The following MYRIP variants were observed in gnomAD, a reference collection of about 807,000 sequenced individuals.
The protein encoded by MYRIP is myosin VIIA and Rab interacting protein.
Under a neutral mutation model 98.0 loss-of-function variants are expected in MYRIP, and 49 were observed. The observed-to-expected ratio is 0.50, with a 90% CI of 0.40 to 0.63. MYRIP has a LOEUF of 0.63. Among genes scored for constraint, MYRIP ranks in the 30% least tolerant of loss-of-function variants. The pLI, the probability that MYRIP is intolerant of heterozygous loss-of-function variation, is 0.00. For synonymous variants in MYRIP, 404 were observed against 409.5 expected (o/e 0.99, Z 0.16); for missense variants, 1,004 against 1,058.2 (o/e 0.95, Z 0.71).
Position 39,996,212 on chromosome 3 carries a change from C to G in MYRIP, c.111-47838C>G, listed in dbSNP as rs559341313. Among the ~76,000 whole-genome samples, 110 of 152,154 alleles carry G rather than the reference C, an allele frequency of 7.2e-4. 1 individual carries two copies. Among genetic ancestry groups the G allele is most frequent in the African/African-American group, 2.5e-3 (103 of 41,524 alleles). On this transcript the variant is annotated intron_variant, in intron 2 of 16. Transcript: ENST00000302541. ...AACCTTAAATGTAAATGGACTAAAT[C>G]CTCCAATTAAAAGACACAGACTGGC...
intron 12 of MYRIP, 76 bp downstream of exon 12, chr3:40,234,129 G>A: frequency 6.9e-7 from 1 of 1,447,332 alleles, no homozygotes; most frequent in Non-Finnish European, 9.3e-7. Flanking sequence ...AGCTTATCGT[G>A]AAGAGTGCAA....
chr3:40,136,210 C>G (rs954741776), intron 3 of MYRIP, among the ~76,000 whole-genome samples: 3 of 151,580 alleles, frequency 2.0e-5, no homozygotes, highest in Non-Finnish European at 4.4e-5. Context: ...AAATGGAAAA[C>G]AAAAAAAGGC....
chr3:39,842,402 G>A (rs193134164), intron 1 of MYRIP, among the ~76,000 whole-genome samples: 165 of 152,304 alleles, frequency 1.1e-3, no homozygotes, highest in African/African-American at 3.4e-3. Context: ...AGGCTCTGTG[G>A]GGTTGGGATC....
chr3:40,001,283 G>A (rs1946514460), intron 2 of MYRIP, among the ~76,000 whole-genome samples: 1 of 152,140 alleles, frequency 6.6e-6, no homozygotes, highest in Non-Finnish European at 1.5e-5. Context: ...CTTGCAAATG[G>A]GAAAGTGTGT....
chr3:40,232,992 C>G (rs1305080801), intron 11 of MYRIP: 2 of 152,228 alleles, frequency 1.3e-5, no homozygotes, highest in African/African-American at 4.8e-5. Flanking sequence ...CTCCTTCAGT[C>G]TTTCTGCCCC....
At chr3:39,999,034 G>T (rs1946446904) in intron 2 of MYRIP, among the ~76,000 whole-genome samples, 1 of 152,120 alleles carries the variant, frequency 6.6e-6, no homozygotes, top group Admixed American at 6.6e-5. Flanking sequence ...ATTCAAGATG[G>T]ATTAAAGACT....
At chr3:39,873,372 G>C (rs1942869196) in intron 1 of MYRIP, among the ~76,000 whole-genome samples, 1 of 152,114 alleles carries the variant, frequency 6.6e-6, no homozygotes, top group Non-Finnish European at 1.5e-5. Context: ...TTTGGCTTTT[G>C]TTGCCATTGC....
chr3:40,239,718 T>G (rs1952938058), intron 12 of MYRIP, among the ~76,000 whole-genome samples: 1 of 149,280 alleles, frequency 6.7e-6, no homozygotes, highest in African/African-American at 2.5e-5. Context: ...TTGAGAAGTG[T>G]CTGTTCATGT....
At chr3:39,874,212 G>A (rs191471079) in intron 1 of MYRIP, among the ~76,000 whole-genome samples, 3 of 152,296 alleles carry the variant, frequency 2.0e-5, no homozygotes, top group Middle Eastern at 3.4e-3. Flanking sequence ...CATTGCTGAA[G>A]TTGCTTATCA....
At chr3:40,059,934 A>G (rs1947973103) in intron 3 of MYRIP, among the ~76,000 whole-genome samples, 2 of 152,192 alleles carry the variant, frequency 1.3e-5, no homozygotes, top group Admixed American at 1.3e-4. Flanking sequence ...TGGAAGGCTC[A>G]TGCCAGTCCA....
intron 2 of MYRIP, among the ~76,000 whole-genome samples, chr3:39,925,317 A>G (rs1002062559): frequency 3.3e-5 from 5 of 152,018 alleles, no homozygotes; most frequent in African/African-American, 1.2e-4. Flanking sequence ...AATATGATGA[A>G]TATTTCTTTT....
chr3:39,997,569 G>T (rs1946395715), intron 2 of MYRIP, among the ~76,000 whole-genome samples: 1 of 151,986 alleles, frequency 6.6e-6, no homozygotes, highest in African/African-American at 2.4e-5. Flanking sequence ...AAAAGTCCAG[G>T]ACCAGACGGA....
intron 2 of MYRIP, among the ~76,000 whole-genome samples, chr3:40,025,901 A>G (rs1266356356): frequency 6.6e-6 from 1 of 152,178 alleles, no homozygotes; most frequent in Non-Finnish European, 1.5e-5. Context: ...CAAGGCAAAG[A>G]GCAAAATTAG....
chr3:39,971,454 A>G (rs564264032), intron 2 of MYRIP, among the ~76,000 whole-genome samples: 1 of 152,188 alleles, frequency 6.6e-6, no homozygotes, highest in Non-Finnish European at 1.5e-5. Flanking sequence ...TTGATAGTCT[A>G]GATTACTGTG....
At chr3:40,202,910 T>TTAC (rs1559450257) in intron 10 of MYRIP, among the ~76,000 whole-genome samples, 289 of 14,622 alleles carry the variant, frequency 0.02, no homozygotes, top group African/African-American at 0.035. Flanking sequence ...CATTTACTTA[T>TTAC]TTATTTATTT....
At chr3:40,008,560 A>C (rs1946685095) in intron 2 of MYRIP, among the ~76,000 whole-genome samples, 1 of 152,096 alleles carries the variant, frequency 6.6e-6, no homozygotes, top group South Asian at 2.1e-4. Context: ...TATTGCAGTC[A>C]CTCTGTGATT....
intron 2 of MYRIP, among the ~76,000 whole-genome samples, chr3:40,011,644 A>G (rs1946761638): frequency 6.6e-6 from 1 of 152,198 alleles, no homozygotes; most frequent in South Asian, 2.1e-4. Flanking sequence ...CTGAAGGCAA[A>G]CACAGTTTCT....
At position 40,175,885 on chromosome 3, in the gene MYRIP, C is replaced by T. The variant is rs1950741963; in HGVS notation, c.873+5792C>T. Among the ~76,000 whole-genome samples the T allele has an allele frequency of 2.0e-5, 3 of 152,230 alleles. No homozygotes were observed. In the South Asian group the frequency reaches 6.2e-4, roughly 32 times the overall value. Reference sequence around the variant, plus strand: ...TGGCCAAAGCCACTGTATGGCACACCTCTGGGAACCCCCATTCATATGGAA... The same window carrying T: ...TGGCCAAAGCCACTGTATGGCACACTTCTGGGAACCCCCATTCATATGGAA... On this transcript the variant is annotated intron_variant, in intron 8 of 16. Coordinates refer to ENST00000302541, the MANE Select transcript of MYRIP (RefSeq NM_015460.4).
intron 3 of MYRIP, among the ~76,000 whole-genome samples, chr3:40,135,599 A>T (rs1186027642): frequency 1.3e-5 from 2 of 152,226 alleles, no homozygotes; most frequent in Non-Finnish European, 2.9e-5. Context: ...ACCAAACTTG[A>T]AATGAAGGAA....
Sources: allele counts gnomAD v4.1 joint callset (sites outside exome capture counted in the v4.1 genomes callset), GRCh38; gene constraint gnomAD v4.1.1; transcripts MANE v1.5; gene names NCBI Gene and HGNC (gene_info 2026-07-23, HGNC 2026-07-21).